Variants in SLC13A1 observed in about 807,000 individuals in gnomAD.
SLC13A1 encodes Na(+)/sulfate cotransporter.
A neutral mutation model predicts 70.0 loss-of-function variants in SLC13A1; 65 were observed. That is an observed-to-expected ratio of 0.93 (90% CI 0.76 to 1.14). SLC13A1 has a LOEUF of 1.14. Ranked by LOEUF, SLC13A1 falls within the 50% of genes most tolerant of loss-of-function variation. The pLI, the probability that SLC13A1 is intolerant of heterozygous loss-of-function variation, is 0.00. For synonymous variants in SLC13A1, 275 were observed against 250.5 expected (o/e 1.10, Z -0.92); for missense variants, 726 against 717.8 (o/e 1.01, Z -0.13).
intron 6 of SLC13A1, among the ~76,000 whole-genome samples, chr7:123,162,684 T>C (rs1250129441): frequency 6.6e-6 from 1 of 152,078 alleles, no homozygotes; most frequent in African/African-American, 2.4e-5. Flanking sequence ...AGAATTAATA[T>C]CTCCTTATTT....
intron 2 of SLC13A1, among the ~76,000 whole-genome samples, chr7:123,179,938 TAGCATGTTTA>T (rs2116610108): frequency 6.6e-6 from 1 of 152,282 alleles, no homozygotes; most frequent in African/African-American, 2.4e-5. Flanking sequence ...GAAAGCCATA[TAGCATGTTTA>T]AGCATTTAAG....
At chr7:123,190,651 T>A (rs1795962301) in intron 1 of SLC13A1, 1 of 456,562 alleles carries the variant, frequency 2.2e-6, no homozygotes, top group African/African-American at 2.0e-5. Flanking sequence ...AGACTCATAT[T>A]TGACATTAAC....
chr7:123,167,769 AT>A (rs895691901), intron 6 of SLC13A1, among the ~76,000 whole-genome samples: 6 of 151,824 alleles, frequency 4.0e-5, no homozygotes, highest in Admixed American at 6.6e-5. Context: ...TTCTGCATTG[AT>A]TTTTTTTAGT....
intron 6 of SLC13A1, among the ~76,000 whole-genome samples, chr7:123,162,426 G>A (rs1020265097): frequency 1.3e-5 from 2 of 152,076 alleles, no homozygotes; most frequent in Non-Finnish European, 2.9e-5. Flanking sequence ...CCTAAAGGGT[G>A]TATGGTATTC....
intron 6 of SLC13A1, among the ~76,000 whole-genome samples, chr7:123,164,707 A>G (rs999984135): frequency 2.0e-5 from 3 of 151,938 alleles, no homozygotes; most frequent in African/African-American, 7.2e-5. Context: ...TCATAACACT[A>G]AATGCCCATA....
intron 6 of SLC13A1, among the ~76,000 whole-genome samples, chr7:123,160,366 A>C (rs1056485452): frequency 1.3e-5 from 2 of 152,104 alleles, no homozygotes; most frequent in Non-Finnish European, 2.9e-5. Flanking sequence ...GTGCACAGCA[A>C]AATGATAAAA....
chr7:123,176,736 A>G (rs969237375), intron 2 of SLC13A1, among the ~76,000 whole-genome samples: 1 of 152,140 alleles, frequency 6.6e-6, no homozygotes, highest in Non-Finnish European at 1.5e-5. Flanking sequence ...TCATTGCCTC[A>G]TCTTCAAAAC....
chr7:123,156,702 C>T (rs144034262), intron 6 of SLC13A1, among the ~76,000 whole-genome samples: 19 of 152,148 alleles, frequency 1.2e-4, no homozygotes, highest in Non-Finnish European at 2.4e-4. Context: ...CTTTATTAGA[C>T]GAAGCTCTGA....
intron 12 of SLC13A1, among the ~76,000 whole-genome samples, chr7:123,120,246 G>A (rs909566491): frequency 6.6e-6 from 1 of 152,132 alleles, no homozygotes; most frequent in East Asian, 1.9e-4. Context: ...CATTGGGGGA[G>A]CACTTCCTTC....
chr7:123,119,122 G>C lies in SLC13A1; in HGVS notation c.1471C>G (p.Pro491Ala). The change falls in exon 13 of 15, where the codon CCA (proline) becomes GCA (alanine). Residue 491 changes from proline (P) to alanine (A), a missense_variant. Pro to Ala is a conservative substitution (Grantham distance 27, BLOSUM62 -1). Coordinates refer to ENST00000194130, the MANE Select transcript of SLC13A1 (RefSeq NM_022444.4). ...GGGAGAAAGAGTGTAATGGTAGCTG[G>C]ATTGCTGGCTACCTCAGTTAAAGAT... ...VTSLTEVASNPATITLFLPIL... is the reference protein window; with the variant it reads ...VTSLTEVASNAATITLFLPIL... 6.2e-7 allele frequency: 1 copy of C among 1,612,658 alleles called. No homozygotes were observed. The highest frequency in any genetic ancestry group is 8.5e-7 in the Non-Finnish European group (1 of 1,179,176).
chr7:123,198,945 A>G (rs1796267263), intron 1 of SLC13A1, among the ~76,000 whole-genome samples: 1 of 152,078 alleles, frequency 6.6e-6, no homozygotes. Context: ...GTGTTTCTTC[A>G]TTTCATTCTC....
intron 2 of SLC13A1, among the ~76,000 whole-genome samples, chr7:123,176,981 G>T (rs989828197): frequency 6.6e-6 from 1 of 152,054 alleles, no homozygotes; most frequent in South Asian, 2.1e-4. Context: ...ATGAATCTCA[G>T]ATTTATATCT....
chr7:123,135,950 T>C (rs1793935933), intron 7 of SLC13A1, among the ~76,000 whole-genome samples: 1 of 152,208 alleles, frequency 6.6e-6, no homozygotes, highest in East Asian at 1.9e-4. Context: ...TGAGGCTCTA[T>C]TGAAAACTGT....
chr7:123,181,123 C>T (rs764815956), intron 1 of SLC13A1, 22 bp from the exon 2 acceptor site: 18 of 1,605,642 alleles, frequency 1.1e-5, no homozygotes, highest in Middle Eastern at 1.7e-4. Context: ...AAATGCAAAG[C>T]AAAAGGTGAT....
intron 6 of SLC13A1, among the ~76,000 whole-genome samples, chr7:123,156,706 G>T (rs1220318081): frequency 6.6e-6 from 1 of 152,044 alleles, no homozygotes; most frequent in East Asian, 1.9e-4. Flanking sequence ...ATTAGACGAA[G>T]CTCTGATCAC....
At chr7:123,157,371 A>G (rs1794745952) in intron 6 of SLC13A1, among the ~76,000 whole-genome samples, 1 of 152,166 alleles carries the variant, frequency 6.6e-6, no homozygotes, top group Non-Finnish European at 1.5e-5. Flanking sequence ...ATGTTTATAA[A>G]GTAATAAACA....
Position 123,115,539 on chromosome 7 carries a change from C to G in SLC13A1, c.1767G>C (p.Met589Ile). 6.2e-7 allele frequency: 1 copy of G among 1,613,062 alleles called. No individual in the cohort carries two copies. Among genetic ancestry groups the G allele is most frequent in the Non-Finnish European group, 8.5e-7 (1 of 1,179,212 alleles). ...LYTYPSWAPA[M>I]SNETMP ...CTTATTATGGCATGGTCTCATTACT[C>G]ATAGCAGGAGCCCACGAAGGGTAAG... is the stretch of plus-strand genomic sequence containing the variant. The change falls in exon 15 of 15, where the codon ATG becomes ATC. Residue 589 changes from methionine (M) to isoleucine (I), a missense_variant. By Grantham distance (10) the Met-to-Ile change is conservative. Transcript: ENST00000194130.
Position 123,199,949 on chromosome 7 carries a change from T to C in SLC13A1, c.-3A>G. ...AGAATGTAACTGAAGAATTTCATTG[T>C]CCTGAGCAGGTGGCTTCAATAGTGT... On this transcript the variant is annotated 5_prime_UTR_variant, in exon 1 of 15. Coordinates refer to ENST00000194130, the MANE Select transcript of SLC13A1 (RefSeq NM_022444.4). 1 of 1,608,568 alleles carries C rather than the reference T, an allele frequency of 6.2e-7. No individual in the cohort carries two copies. The highest frequency in any genetic ancestry group is 8.5e-7 in the Non-Finnish European group (1 of 1,175,842).
At chr7:123,121,524 G>T (rs1793381808) in intron 12 of SLC13A1, among the ~76,000 whole-genome samples, 1 of 152,000 alleles carries the variant, frequency 6.6e-6, no homozygotes, top group African/African-American at 2.4e-5. Flanking sequence ...GGATTGACAT[G>T]TTTTTGTTGT....
Sources: gnomAD v4.1 joint callset for allele counts (sites outside exome capture counted in the v4.1 genomes callset) on GRCh38, gnomAD v4.1.1 for gene constraint, MANE v1.5 for transcripts, NCBI Gene and HGNC (gene_info 2026-07-23, HGNC 2026-07-21) for gene names.